Variants in B3GAT2 observed in about 807,000 individuals in gnomAD.
The protein encoded by B3GAT2 is beta-1,3-glucuronyltransferase 2.
Under a neutral mutation model 27.8 loss-of-function variants are expected in B3GAT2, and 26 were observed. The ratio of observed to expected loss-of-function variants is 0.93; its 90% CI spans 0.68 to 1.30. The LOEUF (loss-of-function observed/expected upper bound fraction) is 1.30, where lower values mean the gene tolerates loss of function less well. B3GAT2 is among the 50% of genes most tolerant of loss of function. The probability of loss-of-function intolerance (pLI) is 0.00; values close to 1 mark genes in which losing one functional copy is unlikely to be tolerated. For missense variants in B3GAT2, 458 were observed against 459.0 expected (o/e 1.00, Z 0.02); for synonymous variants, 218 against 195.1 (o/e 1.12, Z -0.98).
intron 2 of B3GAT2, among the ~76,000 whole-genome samples, chr6:70,874,400 T>C (rs924562504): frequency 6.6e-6 from 1 of 152,164 alleles, no homozygotes; most frequent in African/African-American, 2.4e-5. Context: ...TCTGTGTCCA[T>C]TTGGGCATGC....
At chr6:70,920,221 C>A (rs938680281) in intron 1 of B3GAT2, among the ~76,000 whole-genome samples, 1 of 152,210 alleles carries the variant, frequency 6.6e-6, no homozygotes, top group Non-Finnish European at 1.5e-5. Context: ...AGCGTGGGAC[C>A]CACCGAGCAG....
chr6:70,951,599 T>A (rs2150053506), intron 1 of B3GAT2, among the ~76,000 whole-genome samples: 1 of 152,302 alleles, frequency 6.6e-6, no homozygotes, highest in Admixed American at 6.5e-5. Context: ...CCCAAATTGT[T>A]ATTTCTGGTC....
Position 70,894,237 on chromosome 6 carries a change from C to T in B3GAT2, c.627G>A (p.Val209=), listed in dbSNP as rs1294796094. 1 of 1,612,466 alleles carries T rather than the reference C, an allele frequency of 6.2e-7. No homozygotes were observed. The highest frequency in any genetic ancestry group is 8.5e-7 in the Non-Finnish European group (1 of 1,179,128). ...CGTAGCGCCGCCCACCAACCAGGCC[C>T]ACAGGCCAGACGGAGACCTTGCGGG... ...RTTRKVSVWP[V]GLVGGRRYER... is the part of the protein sequence containing the mutation. Residue 209 remains valine (V), a synonymous_variant, in exon 2 of 4, where the codon GTG becomes GTA. Transcript: ENST00000230053.
At position 70,956,354 on chromosome 6, in the gene B3GAT2, C is replaced by T; in HGVS notation, c.76G>A (p.Asp26Asn). The change falls in exon 1 of 4, where the codon GAC becomes AAC. Residue 26 changes from aspartate to asparagine, a missense_variant. Transcript: ENST00000230053. ...ILIVIIMLDV[D>N]TRRPVPPLTP... ...AGCGGGGGCACTGGCCTGCGCGTGTCCACGTCGAGCATGATGATGACAATT... is the reference window on the plus strand; with the variant it reads ...AGCGGGGGCACTGGCCTGCGCGTGTTCACGTCGAGCATGATGATGACAATT... The T allele has an allele frequency of 6.4e-7, 1 of 1,566,096 alleles. No individual in the cohort carries two copies. The highest frequency in any genetic ancestry group is 8.7e-7 in the Non-Finnish European group (1 of 1,154,814).
At position 70,878,874 on chromosome 6, in the gene B3GAT2, C is replaced by T. The variant is rs150147062; in HGVS notation, c.736+15254G>A. Among the ~76,000 whole-genome samples the T allele has an allele frequency of 2.6e-4, 40 of 152,188 alleles. No homozygotes were observed. In the East Asian group the frequency reaches 7.7e-3, roughly 29 times the overall value. On this transcript the variant is annotated intron_variant, in intron 2 of 3. Coordinates refer to ENST00000230053, the MANE Select transcript of B3GAT2 (RefSeq NM_080742.3). ...TAAAGCCTCTCTCTGCCCCCCCTCC[C>T]CCTTACCTTTTTGAATGAGACTACA...
Position 70,860,192 on chromosome 6 carries a change from T to C in B3GAT2, c.*1471A>G, listed in dbSNP as rs2150017783. ...CCTCTTGAACTAAGCCTTTTATATG[T>C]TTCACAGATGAATCAGCAGATGGCT... On this transcript the variant is annotated 3_prime_UTR_variant, in exon 4 of 4. Coordinates refer to ENST00000230053, the MANE Select transcript of B3GAT2 (RefSeq NM_080742.3). 2 of 1,602,576 alleles carry C rather than the reference T, an allele frequency of 1.2e-6. No individual in the cohort carries two copies. The highest frequency in any genetic ancestry group is 2.3e-5 in the South Asian group (2 of 88,686).
chr6:70,895,908 C>A (rs1487389484), intron 1 of B3GAT2, among the ~76,000 whole-genome samples: 2 of 151,770 alleles, frequency 1.3e-5, no homozygotes, highest in Non-Finnish European at 2.9e-5. Context: ...TTATCTAAAG[C>A]CTTATCTTTA....
chr6:70,882,227 T>C (rs547272046), intron 2 of B3GAT2, among the ~76,000 whole-genome samples: 3 of 151,982 alleles, frequency 2.0e-5, no homozygotes, highest in South Asian at 2.1e-4. Context: ...GTACGCTGGG[T>C]GTGGTGGCTC....
At chr6:70,890,207 C>T (rs867924406) in intron 2 of B3GAT2, among the ~76,000 whole-genome samples, 1 of 152,126 alleles carries the variant, frequency 6.6e-6, no homozygotes. Flanking sequence ...CTCCAGTGAC[C>T]TCGCCACTGT....
intron 2 of B3GAT2, among the ~76,000 whole-genome samples, chr6:70,884,415 A>T (rs1398278958): frequency 6.6e-6 from 1 of 152,206 alleles, no homozygotes; most frequent in Non-Finnish European, 1.5e-5. Context: ...AAAATTCATG[A>T]ATTCAGCAAA....
At chr6:70,948,930 G>C (rs1164971191) in intron 1 of B3GAT2, among the ~76,000 whole-genome samples, 1 of 151,876 alleles carries the variant, frequency 6.6e-6, no homozygotes, top group Non-Finnish European at 1.5e-5. Context: ...TCTGATCTTT[G>C]ACAAACCTGA....
intron 2 of B3GAT2, among the ~76,000 whole-genome samples, chr6:70,886,325 G>A (rs496249): frequency 0.33 from 50,532 of 152,112 alleles, 13,090 homozygotes; most frequent in African/African-American, 0.7. Flanking sequence ...ACAGCTAAGT[G>A]AGGATTCATG....
In B3GAT2 at chr6:70,859,383, C is replaced by A; in HGVS notation, c.*2280G>T. On this transcript the variant is annotated 3_prime_UTR_variant, in exon 4 of 4. Transcript: ENST00000230053. ...GCACTCCATCAGTGCAATCTACTGGCCAATGACAAGGTGGTTAAAATGTCC... is the reference window on the plus strand; with the variant it reads ...GCACTCCATCAGTGCAATCTACTGGACAATGACAAGGTGGTTAAAATGTCC... 1 of 1,549,312 alleles carries A rather than the reference C, an allele frequency of 6.5e-7. No individual in the cohort carries two copies. The highest frequency in any genetic ancestry group is 1.2e-5 in the South Asian group (1 of 83,884).
At chr6:70,876,204 T>C (rs573831562) in intron 2 of B3GAT2, among the ~76,000 whole-genome samples, 5 of 152,294 alleles carry the variant, frequency 3.3e-5, no homozygotes, top group African/African-American at 1.2e-4. Flanking sequence ...CCAGAAAATA[T>C]AGCAGAGCAT....
chr6:70,942,760 C>T (rs1362228930), intron 1 of B3GAT2, among the ~76,000 whole-genome samples: 2 of 152,160 alleles, frequency 1.3e-5, no homozygotes, highest in African/African-American at 2.4e-5. Flanking sequence ...AGAAGGCCTA[C>T]TGACTTGTTA....
intron 2 of B3GAT2, among the ~76,000 whole-genome samples, chr6:70,868,892 G>C (rs1350095147): frequency 6.6e-6 from 1 of 152,138 alleles, no homozygotes; most frequent in South Asian, 2.1e-4. Context: ...AGCATACACT[G>C]CCTTTTGGAA....
At chr6:70,877,360 T>C (rs1469930839) in intron 2 of B3GAT2, among the ~76,000 whole-genome samples, 3 of 152,064 alleles carry the variant, frequency 2.0e-5, no homozygotes, top group Non-Finnish European at 4.4e-5. Context: ...AGGAGCAGGA[T>C]TGGGGTGGTC....
chr6:70,880,684 C>T (rs986204210), intron 2 of B3GAT2, among the ~76,000 whole-genome samples: 14 of 147,872 alleles, frequency 9.5e-5, no homozygotes, highest in Non-Finnish European at 3.0e-5. Flanking sequence ...CAGAGTCTTG[C>T]TCTGTGAGTC....
At chr6:70,883,637 T>C (rs1772133988) in intron 2 of B3GAT2, among the ~76,000 whole-genome samples, 1 of 152,148 alleles carries the variant, frequency 6.6e-6, no homozygotes, top group Admixed American at 6.5e-5. Context: ...GGTGTGGAGT[T>C]GGACAGTGGT....
Sources: allele counts gnomAD v4.1 joint callset (sites outside exome capture counted in the v4.1 genomes callset), GRCh38; gene constraint gnomAD v4.1.1; transcripts MANE v1.5; gene names NCBI Gene and HGNC (gene_info 2026-07-23, HGNC 2026-07-21).